TMEM132B: variants seen among roughly 807,000 people sequenced by gnomAD.
TMEM132B encodes the protein transmembrane protein 132B.
Under a neutral mutation model 90.8 loss-of-function variants are expected in TMEM132B, and 18 were observed. The ratio of observed to expected loss-of-function variants is 0.20; its 90% CI spans 0.14 to 0.29. The LOEUF is 0.29. Ranked by LOEUF, TMEM132B falls within the 10% of genes least tolerant of loss-of-function variation. The probability of loss-of-function intolerance (pLI) is 1.00; values close to 1 mark genes in which losing one functional copy is unlikely to be tolerated. For synonymous variants in TMEM132B, 504 were observed against 523.3 expected (o/e 0.96, Z 0.50); for missense variants, 1,096 against 1,326.8 (o/e 0.83, Z 2.70).
intron 5 of TMEM132B, among the ~76,000 whole-genome samples, chr12:125,639,247 A>C (rs181185982): frequency 6.6e-6 from 1 of 152,206 alleles, no homozygotes; most frequent in African/African-American, 2.4e-5. Flanking sequence ...CTGGGAATCC[A>C]AGGCCTCACA....
rs1874213242 is a variant in TMEM132B at position 125,246,562 on chromosome 12, A to C, written c.67+59696A>C. ...TTAAGTGATTCCCGTTTGCTTCGGC[A>C]TGAATGCACAACATGCGAGACTTCA... is the stretch of plus-strand genomic sequence containing the variant. On this transcript the variant is annotated intron_variant, in intron 1 of 8. Transcript: ENST00000682704. The surrounding 1 kb of genome is among the most constrained non-coding windows in gnomAD (Gnocchi z 4.2). Among the ~76,000 whole-genome samples, 1 of 152,240 alleles carries C rather than the reference A, an allele frequency of 6.6e-6. No homozygotes were observed.
chr12:125,323,854 C>T (rs1293993849), intron 1 of TMEM132B, among the ~76,000 whole-genome samples: 4 of 152,194 alleles, frequency 2.6e-5, no homozygotes, highest in Non-Finnish European at 5.9e-5. Flanking sequence ...TAGTGCCTAC[C>T]TACCTCATAG....
Position 125,288,462 on chromosome 12 carries a change from C to CAAAAAAA in TMEM132B, c.68-60977_68-60971dup, listed in dbSNP as rs11423298. ...TGGGCGACAGAGCAAGACTCCATCT[C>CAAAAAAA]AAAAAAAAAAAAAAAAAAAGAGCTG... On this transcript the variant is annotated intron_variant, in intron 1 of 8. Transcript: ENST00000682704. Among the ~76,000 whole-genome samples, 12 of 102,918 alleles carry CAAAAAAA rather than the reference C, an allele frequency of 1.2e-4. No homozygotes were observed. In the South Asian group the frequency reaches 4.5e-3, roughly 38 times the overall value. 67.5% of individuals were successfully genotyped at this position (102,918 alleles called of 152,430 possible).
At chr12:125,392,942 GC>G (rs1237232825) in intron 2 of TMEM132B, among the ~76,000 whole-genome samples, 1 of 152,168 alleles carries the variant, frequency 6.6e-6, no homozygotes, top group Admixed American at 6.5e-5. Flanking sequence ...AGCCCTGGGG[GC>G]CCCGTGATCC....
intron 5 of TMEM132B, among the ~76,000 whole-genome samples, chr12:125,593,244 G>C (rs1353332906): frequency 6.6e-6 from 1 of 152,062 alleles, no homozygotes; most frequent in African/African-American, 2.4e-5. Context: ...TTTCCTGTTG[G>C]CCTGGGATAG....
In TMEM132B at chr12:125,451,754, C is replaced by A. The variant is rs548259201; in HGVS notation, c.1106+36077C>A. Among the ~76,000 whole-genome samples the A allele has an allele frequency of 5.9e-5, 9 of 152,076 alleles. No homozygotes were observed. In the South Asian group the frequency reaches 1.9e-3, roughly 32 times the overall value. On this transcript the variant is annotated intron_variant, in intron 3 of 8. Coordinates refer to ENST00000682704, the MANE Select transcript of TMEM132B (RefSeq NM_001366854.1). ...GTTTGTGGAAATAATTAATTTGAGT[C>A]CTTAGATGAAGGCACTTTTCTCCAG...
intron 5 of TMEM132B, among the ~76,000 whole-genome samples, chr12:125,638,054 T>C (rs17528923): frequency 0.18 from 28,032 of 152,188 alleles, 2,810 homozygotes; most frequent in African/African-American, 0.23. Flanking sequence ...AGGTCTTGCC[T>C]TTCCCAATCG....
chr12:125,619,544 C>G (rs1465642188), intron 5 of TMEM132B, among the ~76,000 whole-genome samples: 1 of 151,850 alleles, frequency 6.6e-6, no homozygotes, highest in African/African-American at 2.4e-5. Flanking sequence ...TTTATACTTT[C>G]AGTAGAGACA....
At chr12:125,580,865 A>G (rs1413381924) in intron 4 of TMEM132B, among the ~76,000 whole-genome samples, 1 of 152,236 alleles carries the variant, frequency 6.6e-6, no homozygotes, top group African/African-American at 2.4e-5. Flanking sequence ...AAATAAGAGC[A>G]GAATAAAATA....
intron 4 of TMEM132B, among the ~76,000 whole-genome samples, chr12:125,544,667 A>G (rs572432155): frequency 2.0e-5 from 3 of 152,306 alleles, no homozygotes; most frequent in Admixed American, 2.0e-4. Flanking sequence ...TCTCTATGCC[A>G]TTTTCTACAC....
At position 125,662,201 on chromosome 12, in the gene TMEM132B, G is replaced by T. The variant is rs562728751; in HGVS notation, c.*7491G>T. 6.6e-6 allele frequency: 1 copy of T among 152,322 alleles called. No individual in the cohort carries two copies. Among genetic ancestry groups the T allele is most frequent in the East Asian group, 1.9e-4 (1 of 5,186 alleles). The allele number at this position is 152,322 out of a possible 1,614,324, so 9.4% of individuals were successfully genotyped here. On this transcript the variant is annotated 3_prime_UTR_variant, in exon 9 of 9. Transcript: ENST00000682704. Reference sequence around the variant, plus strand: ...ACACCAGATATTATAAACAGAGCATGCTGTTATGACATTGTGCTTCTATAT... The same window carrying T: ...ACACCAGATATTATAAACAGAGCATTCTGTTATGACATTGTGCTTCTATAT...
intron 4 of TMEM132B, among the ~76,000 whole-genome samples, chr12:125,533,750 C>T (rs1414850611): frequency 6.6e-6 from 1 of 152,210 alleles, no homozygotes; most frequent in Non-Finnish European, 1.5e-5. Context: ...TCCAGGGATT[C>T]CCGATTTCCC....
At chr12:125,269,113 T>C (rs1565987909) in intron 1 of TMEM132B, among the ~76,000 whole-genome samples, 1 of 152,258 alleles carries the variant, frequency 6.6e-6, no homozygotes, top group South Asian at 2.1e-4. Context: ...CTGAAGGATC[T>C]TGGGTTCCCA....
At chr12:125,255,244 CCTCT>C (rs747658472) in intron 1 of TMEM132B, among the ~76,000 whole-genome samples, 42 of 151,394 alleles carry the variant, frequency 2.8e-4, no homozygotes, top group Admixed American at 1.3e-3. Context: ...TCTTCTCTCT[CCTCT>C]CTCTCTCCTC....
At chr12:125,580,816 T>C (rs1010789379) in intron 4 of TMEM132B, among the ~76,000 whole-genome samples, 3 of 152,212 alleles carry the variant, frequency 2.0e-5, no homozygotes, top group Non-Finnish European at 2.9e-5. Flanking sequence ...CATAAAGGAC[T>C]ATAAATATGC....
At chr12:125,644,307 G>A (rs1223114870) in intron 6 of TMEM132B, 26 bp downstream of exon 6, 1 of 1,612,076 alleles carries the variant, frequency 6.2e-7, no homozygotes, top group South Asian at 1.1e-5. Flanking sequence ...GAAGGCTGTG[G>A]ATCCGATTGT....
intron 1 of TMEM132B, among the ~76,000 whole-genome samples, chr12:125,343,894 A>C (rs918381145): frequency 7.9e-5 from 12 of 152,362 alleles, no homozygotes; most frequent in Admixed American, 7.8e-4. Context: ...CTGTGTTAAT[A>C]AAAACAGTAT....
intron 2 of TMEM132B, among the ~76,000 whole-genome samples, chr12:125,365,386 G>A (rs558637464): frequency 2.0e-5 from 3 of 152,024 alleles, no homozygotes; most frequent in Non-Finnish European, 2.9e-5. Flanking sequence ...AAAAACCCTC[G>A]AAGAGAATAT....
At chr12:125,249,899 T>C (rs1287174044) in intron 1 of TMEM132B, among the ~76,000 whole-genome samples, 1 of 152,238 alleles carries the variant, frequency 6.6e-6, no homozygotes, top group Admixed American at 6.5e-5. Flanking sequence ...CAGTGGGACC[T>C]AGACATCACC....
Sources: allele counts gnomAD v4.1 joint callset (sites outside exome capture counted in the v4.1 genomes callset), GRCh38; gene constraint gnomAD v4.1.1; non-coding constraint Gnocchi (gnomAD v3.1); transcripts MANE v1.5; gene names NCBI Gene and HGNC (gene_info 2026-07-23, HGNC 2026-07-21).